The following KCNU1 variants were observed in gnomAD, a reference collection of about 807,000 sequenced individuals.
KCNU1 encodes potassium calcium-activated channel subfamily U member 1, also known as potassium channel subfamily U member 1.
In KCNU1, 93 loss-of-function variants were observed where a neutral mutation model predicts 126.8. The ratio of observed to expected loss-of-function variants is 0.73; its 90% CI spans 0.62 to 0.87. The LOEUF is 0.87. Among genes scored for constraint, KCNU1 ranks in the 40% least tolerant of loss-of-function variants. The pLI, the probability that KCNU1 is intolerant of heterozygous loss-of-function variation, is 0.00. For synonymous variants in KCNU1, 523 were observed against 494.2 expected (o/e 1.06, Z -0.77); for missense variants, 1,330 against 1,367.1 (o/e 0.97, Z 0.43).
At chr8:36,788,163 G>A (rs376306325) in intron 2 of KCNU1, among the ~76,000 whole-genome samples, 102 of 151,410 alleles carry the variant, frequency 6.7e-4, no homozygotes, top group African/African-American at 2.4e-3. Context: ...TTTTAATCTC[G>A]GTAATTTGAA....
chr8:36,924,476 C>A (rs968876826), intron 24 of KCNU1, among the ~76,000 whole-genome samples: 6 of 152,138 alleles, frequency 3.9e-5, no homozygotes, highest in African/African-American at 1.4e-4. Context: ...CTCTTTAAGC[C>A]GTGGTAGGGG....
Position 36,828,566 on chromosome 8 carries a change from G to A in KCNU1, c.1107-4988G>A, listed in dbSNP as rs79387757. 9.4e-3 allele frequency among the ~76,000 whole-genome samples: 1,425 copies of A among 152,128 alleles called. 19 individuals carry two copies. Among genetic ancestry groups the A allele is most frequent in the African/African-American group, 0.031 (1,277 of 41,520 alleles). On this transcript the variant is annotated intron_variant, in intron 10 of 26. Coordinates refer to ENST00000399881, the MANE Select transcript of KCNU1 (RefSeq NM_001031836.3). Reference sequence around the variant, plus strand: ...TCAGTTTATATTATGTTAGTAAGATGCTTTCATATTTTTGAATGTTGCTGT... The same window carrying A: ...TCAGTTTATATTATGTTAGTAAGATACTTTCATATTTTTGAATGTTGCTGT...
chr8:36,808,504 A>G (rs1457205144), intron 6 of KCNU1, among the ~76,000 whole-genome samples: 1 of 152,114 alleles, frequency 6.6e-6, no homozygotes, highest in Non-Finnish European at 1.5e-5. Flanking sequence ...CTCAACCTCT[A>G]ATGTGTATAT....
Position 36,845,890 on chromosome 8 carries a change from C to A in KCNU1, c.1882C>A (p.His628Asn), listed in dbSNP as rs931210420. Residue 628 changes from histidine to asparagine, a missense_variant, in exon 18 of 27, where the codon CAC (histidine) becomes AAC (asparagine). His to Asn is a moderately conservative substitution (Grantham distance 68). Coordinates refer to ENST00000399881, the MANE Select transcript of KCNU1 (RefSeq NM_001031836.3). ...TGGCTGCAAAAGCAGAAGCCGGCAG[C>A]ACATCACAGGTAATTGCACTTTATT... The part of the protein sequence containing the change: ...NCGCKSRSRQ[H>N]ITVPSVKRMK... 6 of 1,588,206 alleles carry A rather than the reference C, an allele frequency of 3.8e-6. No individual in the cohort carries two copies. In the African/African-American group the frequency reaches 8.0e-5, roughly 21 times the overall value.
chr8:36,890,074 T>C (rs531774685), intron 19 of KCNU1, among the ~76,000 whole-genome samples: 143 of 152,132 alleles, frequency 9.4e-4, no homozygotes, highest in African/African-American at 3.1e-3. Flanking sequence ...TTCTTCAAAA[T>C]TGAAGGAAAC....
At chr8:36,875,606 CA>C (rs547053550) in intron 19 of KCNU1, among the ~76,000 whole-genome samples, 29 of 151,746 alleles carry the variant, frequency 1.9e-4, no homozygotes, top group Non-Finnish European at 4.0e-4. Context: ...AATGACCTTC[CA>C]AAATAAAAAT....
chr8:36,817,617 G>A lies in KCNU1; in HGVS notation c.996-33G>A, dbSNP rs746675983. 31 of 1,131,636 alleles carry A rather than the reference G, an allele frequency of 2.7e-5. No homozygotes were observed. The Middle Eastern group carries it at 1.4e-3, about 50-fold the overall frequency. 70.1% of individuals were successfully genotyped at this position (1,131,636 alleles called of 1,614,324 possible). On this transcript the variant is annotated intron_variant, in intron 9 of 26. Coordinates refer to ENST00000399881, the MANE Select transcript of KCNU1 (RefSeq NM_001031836.3). ...TGACAGGAAGGTGCTTATGTGCCTC[G>A]GATGATCCACCTCACCTGTTTTTGC...
chr8:36,909,971 T>C (rs898841263), intron 21 of KCNU1, among the ~76,000 whole-genome samples: 2 of 152,194 alleles, frequency 1.3e-5, no homozygotes, highest in African/African-American at 4.8e-5. Flanking sequence ...AGACATTTTA[T>C]ATGGACCATA....
At chr8:36,824,427 C>T (rs1804241853) in intron 10 of KCNU1, among the ~76,000 whole-genome samples, 1 of 152,126 alleles carries the variant, frequency 6.6e-6, no homozygotes, top group African/African-American at 2.4e-5. Flanking sequence ...ATTGTTAATG[C>T]CTTATTGTAC....
At position 36,841,761 on chromosome 8, in the gene KCNU1, G is replaced by A. The variant is rs142899720; in HGVS notation, c.1703+758G>A. Among the ~76,000 whole-genome samples the A allele has an allele frequency of 3.7e-4, 56 of 152,132 alleles. No individual in the cohort carries two copies. In the South Asian group the frequency reaches 3.7e-3, roughly 10 times the overall value. On this transcript the variant is annotated intron_variant, in intron 16 of 26. Transcript: ENST00000399881. ...AAAATGGGAATCTGACCAGCCGACC[G>A]GACAAAGGCTTTTGTTGATAGAGTT...
intron 18 of KCNU1, among the ~76,000 whole-genome samples, chr8:36,862,309 T>G (rs1487493369): frequency 6.6e-6 from 1 of 152,216 alleles, no homozygotes; most frequent in Non-Finnish European, 1.5e-5. Context: ...CTTATTTTTT[T>G]CTTAAATTTT....
chr8:36,821,785 A>G (rs1484012680), intron 10 of KCNU1, among the ~76,000 whole-genome samples: 2 of 152,100 alleles, frequency 1.3e-5, no homozygotes, highest in Non-Finnish European at 1.5e-5. Context: ...CATATTTTGT[A>G]TACTCACTTT....
chr8:36,841,410 T>C (rs1284015803), intron 16 of KCNU1, among the ~76,000 whole-genome samples: 3 of 152,150 alleles, frequency 2.0e-5, no homozygotes, highest in African/African-American at 4.8e-5. Flanking sequence ...TAAAGAACAA[T>C]GCTGGGCATG....
chr8:36,877,229 TCTCCTCAATTCAGTCA>T (rs1806307775), intron 19 of KCNU1, among the ~76,000 whole-genome samples: 1 of 151,882 alleles, frequency 6.6e-6, no homozygotes, highest in Non-Finnish European at 1.5e-5. Context: ...GAAGGGTTTC[TCTCCTCAATTCAGTCA>T]AGCCTCTTGC....
intron 19 of KCNU1, among the ~76,000 whole-genome samples, chr8:36,898,349 C>G (rs1014508065): frequency 6.6e-5 from 10 of 151,986 alleles, no homozygotes; most frequent in African/African-American, 2.2e-4. Flanking sequence ...TTGATGGGTG[C>G]TATTGTTTCC....
chr8:36,855,425 C>T (rs1267363487), intron 18 of KCNU1, among the ~76,000 whole-genome samples: 2 of 152,014 alleles, frequency 1.3e-5, no homozygotes, highest in Non-Finnish European at 2.9e-5. Flanking sequence ...ATGCAGGGAA[C>T]CACCAGACAA....
chr8:36,903,680 G>C (rs948922300), intron 19 of KCNU1, among the ~76,000 whole-genome samples: 1 of 152,102 alleles, frequency 6.6e-6, no homozygotes, highest in Non-Finnish European at 1.5e-5. Flanking sequence ...AAAGTGCACT[G>C]TGACTATATT....
At chr8:36,850,553 T>C (rs1274780208) in intron 18 of KCNU1, among the ~76,000 whole-genome samples, 1 of 151,906 alleles carries the variant, frequency 6.6e-6, no homozygotes, top group Admixed American at 6.6e-5. Flanking sequence ...ACCTCCTGGG[T>C]TCAGGAGATC....
chr8:36,845,699 A>G (rs756292952), intron 17 of KCNU1, 30 bp downstream of exon 17: 1 of 1,503,672 alleles, frequency 6.7e-7, no homozygotes, highest in African/African-American at 1.4e-5. Flanking sequence ...GGGGAAAAGC[A>G]CTAAAGCAAC....
Sources: gnomAD v4.1 joint callset for allele counts (sites outside exome capture counted in the v4.1 genomes callset) on GRCh38, gnomAD v4.1.1 for gene constraint, MANE v1.5 for transcripts, NCBI Gene and HGNC (gene_info 2026-07-23, HGNC 2026-07-21) for gene names.